Variants in NUP205 observed in about 807,000 individuals in gnomAD.
NUP205 encodes nuclear pore complex protein Nup205.
NUP205 carries 76 observed loss-of-function variants against 253.8 expected under a neutral mutation model. The ratio of observed to expected loss-of-function variants is 0.30; its 90% confidence interval spans 0.25 to 0.36. The LOEUF (loss-of-function observed/expected upper bound fraction) is 0.36. Among genes scored for constraint, NUP205 ranks in the 10% least tolerant of loss-of-function variants. NUP205 has a pLI of 1.00. For missense variants in NUP205, 2,162 were observed against 2,425.5 expected (o/e 0.89, Z 2.28); for synonymous variants, 832 against 850.1 (o/e 0.98, Z 0.37).
In NUP205 at chr7:135,573,818, T is replaced by C. The variant is rs2129489789; in HGVS notation, c.336T>C (p.Leu112=). ...DIGELAAVEL[L]LAGEHQQPHF... is the part of the protein sequence containing the mutation. ...GAGAATTGGCAGCTGTTGAGCTTCT[T>C]CTTGCTGGTAGGTTGACATTTAACT... The change falls in exon 3 of 43, where the codon CTT becomes CTC. Residue 112 remains leucine (L), a synonymous_variant. Transcript: ENST00000285968. 7 of 1,608,540 alleles carry C rather than the reference T, an allele frequency of 4.4e-6. No individual in the cohort carries two copies. The East Asian group carries it at 1.6e-4, about 36-fold the overall frequency.
At chr7:135,559,410 C>T (rs978499064) in intron 1 of NUP205, among the ~76,000 whole-genome samples, 1 of 152,232 alleles carries the variant, frequency 6.6e-6, no homozygotes, top group African/African-American at 2.4e-5. Flanking sequence ...GTCTCCCAGG[C>T]GGGAGTGCAG....
At position 135,630,423 on chromosome 7, in the gene NUP205, A is replaced by G; in HGVS notation, c.5012A>G (p.Gln1671Arg). Reference protein sequence around the residue: ...RCQDVSAGSLQELALLTGIIS... With the variant: ...RCQDVSAGSLRELALLTGIIS... ...CAGGATGTTAGTGCTGGGTCTTTGC[A>G]GGAATTGGCTCTGCTGACAGGAATT... Residue 1671 changes from glutamine (Q) to arginine (R), a missense_variant, in exon 35 of 43, where the codon CAG becomes CGG. By Grantham distance (43) the Gln-to-Arg change is conservative. Coordinates refer to ENST00000285968, the MANE Select transcript of NUP205 (RefSeq NM_015135.3). The G allele has an allele frequency of 6.2e-7, 1 of 1,610,954 alleles. No individual in the cohort carries two copies. The highest frequency in any genetic ancestry group is 1.1e-5 in the South Asian group (1 of 90,854).
At chr7:135,648,289 T>C (rs1795051700) in intron 42 of NUP205, 115 bp from the exon 43 acceptor site, 4 of 823,104 alleles carry the variant, frequency 4.9e-6, no homozygotes. Context: ...CAAAAGTATT[T>C]ACATTGAAAG....
chr7:135,607,022 TAAGA>T, intron 21 of NUP205, 107 bp downstream of exon 21: 1 of 1,265,372 alleles, frequency 7.9e-7, no homozygotes, highest in Non-Finnish European at 1.1e-6. Flanking sequence ...AGAAAAAGTG[TAAGA>T]AAGGTAATGT....
chr7:135,570,082 G>C (rs1267075118), intron 1 of NUP205, among the ~76,000 whole-genome samples: 1 of 146,714 alleles, frequency 6.8e-6, no homozygotes, highest in Non-Finnish European at 1.5e-5. Flanking sequence ...GAGAGAGAGA[G>C]AGAGAGAGAG....
At chr7:135,626,536 A>G (rs531629385) in intron 33 of NUP205, among the ~76,000 whole-genome samples, 175 bp downstream of exon 33, 1 of 152,292 alleles carries the variant, frequency 6.6e-6, no homozygotes, top group Non-Finnish European at 1.5e-5. Flanking sequence ...TACTAGGGAA[A>G]AAGTAGGTAG....
chr7:135,595,291 T>A (rs1274476283), intron 13 of NUP205, among the ~76,000 whole-genome samples: 2 of 152,032 alleles, frequency 1.3e-5, no homozygotes, highest in Non-Finnish European at 2.9e-5. Context: ...TTGTGTGATC[T>A]CAGCTCACTG....
chr7:135,601,710 G>T (rs1007688234), intron 17 of NUP205, among the ~76,000 whole-genome samples: 3 of 152,158 alleles, frequency 2.0e-5, no homozygotes, highest in African/African-American at 7.2e-5. Flanking sequence ...GAATCTCACT[G>T]TCACTGTGTT....
At chr7:135,620,372 A>G (rs535187581) in intron 30 of NUP205, among the ~76,000 whole-genome samples, 211 of 152,298 alleles carry the variant, frequency 1.4e-3, no homozygotes, top group Non-Finnish European at 2.7e-3. Context: ...CATCTCTACT[A>G]AAAATCAGAA....
chr7:135,608,189 C>A (rs974588367), intron 22 of NUP205, among the ~76,000 whole-genome samples: 1 of 151,900 alleles, frequency 6.6e-6, no homozygotes, highest in African/African-American at 2.4e-5. Flanking sequence ...CCATGCCCAG[C>A]TAATTTTTGT....
chr7:135,631,429 G>T (rs113180795), intron 35 of NUP205, among the ~76,000 whole-genome samples: 1 of 152,134 alleles, frequency 6.6e-6, no homozygotes, highest in Non-Finnish European at 1.5e-5. Flanking sequence ...AGATACTTTG[G>T]TTACTTTCCC....
chr7:135,587,584 C>A lies in NUP205; in HGVS notation c.1228C>A (p.Leu410Met). The A allele has an allele frequency of 6.3e-7, 1 of 1,595,332 alleles. No homozygotes were observed. The highest frequency in any genetic ancestry group is 1.8e-5 in the Admixed American group (1 of 56,828). ...CTAATAAATTTAATAGGTGAAACAG[C>A]TGAGGAATCGGGCAGATGAAGATGC... ...LALMPMKVKQ[L>M]RNRADEDARM... Residue 410 changes from leucine (L) to methionine (M), a missense_variant, in exon 9 of 43, where the codon CTG (leucine) becomes ATG (methionine). Leu to Met is a conservative substitution (Grantham distance 15). Around this residue, in one of 5 missense-constraint regions of NUP205, gnomAD observed 892 missense variants for 957.1 expected, o/e 0.93. Coordinates refer to ENST00000285968, the MANE Select transcript of NUP205 (RefSeq NM_015135.3).
chr7:135,577,499 C>T (rs1323388955), intron 5 of NUP205, among the ~76,000 whole-genome samples: 2 of 152,130 alleles, frequency 1.3e-5, no homozygotes, highest in South Asian at 2.1e-4. Flanking sequence ...AGTTTGTAGT[C>T]AGCTGTGTCC....
chr7:135,632,515 C>G (rs899222208), intron 35 of NUP205, among the ~76,000 whole-genome samples: 1 of 151,914 alleles, frequency 6.6e-6, no homozygotes, highest in East Asian at 1.9e-4. Context: ...CCCTATAATC[C>G]CCAATAATTT....
At chr7:135,640,172 C>T (rs1236460411) in intron 38 of NUP205, among the ~76,000 whole-genome samples, 1 of 152,128 alleles carries the variant, frequency 6.6e-6, no homozygotes, top group Non-Finnish European at 1.5e-5. Context: ...ACATGTATAC[C>T]TATGTAACAA....
intron 33 of NUP205, among the ~76,000 whole-genome samples, chr7:135,627,466 T>G (rs1382081768): frequency 6.6e-6 from 1 of 152,140 alleles, no homozygotes; most frequent in Non-Finnish European, 1.5e-5. Context: ...AGATTAGAGG[T>G]GCTCAACCAG....
At chr7:135,629,110 T>C (rs1794652615) in intron 34 of NUP205, among the ~76,000 whole-genome samples, 2 of 152,212 alleles carry the variant, frequency 1.3e-5, no homozygotes, top group Admixed American at 6.5e-5. Context: ...GACCAGACAT[T>C]ATAAGCTTAG....
intron 42 of NUP205, among the ~76,000 whole-genome samples, chr7:135,647,159 T>TC (rs1392585064): frequency 6.6e-6 from 1 of 152,244 alleles, no homozygotes; most frequent in African/African-American, 2.4e-5. Context: ...AAGTTATGTT[T>TC]CTAACAAAGC....
rs548171997 is a variant in NUP205, at chr7:135,562,172, T to A, written c.28+4200T>A. Among the ~76,000 whole-genome samples the A allele has an allele frequency of 2.0e-5, 3 of 152,288 alleles. No individual in the cohort carries two copies. In the East Asian group the frequency reaches 5.8e-4, roughly 29 times the overall value. ...CTCAATAGGGTTAACTTCTGTTTCT[T>A]GTAGTTCAGAAAGTTCCTTTTTAAA... On this transcript the variant is annotated intron_variant, in intron 1 of 42. Coordinates refer to ENST00000285968, the MANE Select transcript of NUP205 (RefSeq NM_015135.3).
Sources: allele counts gnomAD v4.1 joint callset (sites outside exome capture counted in the v4.1 genomes callset), GRCh38; gene constraint gnomAD v4.1.1; regional missense constraint gnomAD v4.1.1; transcripts MANE v1.5; gene names NCBI Gene and HGNC (gene_info 2026-07-23, HGNC 2026-07-21).